CTNNA2: variants seen among roughly 807,000 people sequenced by gnomAD.
The protein encoded by CTNNA2 is catenin alpha 2, also known as catenin alpha-2.
In CTNNA2, 42 loss-of-function variants were observed where a neutral mutation model predicts 101.0. The ratio of observed to expected loss-of-function variants is 0.42; its 90% CI spans 0.32 to 0.54. CTNNA2 has a LOEUF of 0.54. Ranked by LOEUF, CTNNA2 falls within the 20% of genes least tolerant of loss-of-function variation. The pLI is 0.14. For synonymous variants in CTNNA2, 450 were observed against 456.4 expected (o/e 0.99, Z 0.18); for missense variants, 871 against 1,223.1 (o/e 0.71, Z 4.29).
chr2:79,409,220 T>G (rs1316945087), intron 4 of CTNNA2, among the ~76,000 whole-genome samples: 1 of 152,210 alleles, frequency 6.6e-6, no homozygotes, highest in Admixed American at 6.6e-5. Context: ...GATGAGTAGA[T>G]TGCGAAAATT....
chr2:79,313,347 C>T (rs746869101), intron 3 of CTNNA2, among the ~76,000 whole-genome samples: 6 of 152,180 alleles, frequency 3.9e-5, no homozygotes, highest in Non-Finnish European at 8.8e-5. Context: ...CACTTGCTAG[C>T]AGACCTATAA....
intron 7 of CTNNA2, among the ~76,000 whole-genome samples, chr2:80,310,949 G>A (rs1027462537): frequency 3.4e-5 from 5 of 148,908 alleles, no homozygotes; most frequent in African/African-American, 1.3e-4. Flanking sequence ...CTCCAGCCTG[G>A]GTGACAGTGC....
chr2:79,474,880 T>C (rs1671035141), intron 4 of CTNNA2, among the ~76,000 whole-genome samples: 1 of 152,178 alleles, frequency 6.6e-6, no homozygotes, highest in African/African-American at 2.4e-5. Flanking sequence ...CTAGTCTTTT[T>C]ACCCAGCACC....
At chr2:80,477,158 A>T (rs1401083341) in intron 9 of CTNNA2, among the ~76,000 whole-genome samples, 2 of 152,132 alleles carry the variant, frequency 1.3e-5, no homozygotes, top group East Asian at 3.9e-4. Flanking sequence ...AATAGAATAC[A>T]TTTGTACCTA....
intron 7 of CTNNA2, among the ~76,000 whole-genome samples, chr2:80,230,842 C>T (rs570423960): frequency 1.4e-4 from 22 of 152,222 alleles, no homozygotes; most frequent in African/African-American, 4.8e-4. Context: ...ATTCTGTCAG[C>T]CAATAAAGAT....
intron 7 of CTNNA2, among the ~76,000 whole-genome samples, chr2:80,042,414 T>C (rs577779920): frequency 2.6e-5 from 4 of 152,350 alleles, no homozygotes; most frequent in African/African-American, 7.2e-5. Flanking sequence ...AATATTTATA[T>C]ACTTATTTTT....
intron 3 of CTNNA2, among the ~76,000 whole-genome samples, chr2:79,792,636 T>C (rs1012594873): frequency 1.3e-5 from 2 of 152,112 alleles, no homozygotes; most frequent in African/African-American, 4.8e-5. Context: ...GCTTGTGAAG[T>C]TTGGAAATAG....
rs537356323 is a variant in CTNNA2 at position 79,595,381 on chromosome 2, A to T, written c.-5-56171A>T. Among the ~76,000 whole-genome samples the T allele has an allele frequency of 3.3e-5, 5 of 152,004 alleles. No homozygotes were observed. In the East Asian group the frequency reaches 9.7e-4, roughly 29 times the overall value. ...CACAAATCTCTATTTCTAGCCCAGA[A>T]CTCTCTCCTGAGCCTTCAGACCACT... On this transcript the variant is annotated intron_variant, in intron 1 of 18. Coordinates refer to ENST00000402739, the MANE Select transcript of CTNNA2 (RefSeq NM_001282597.3).
intron 7 of CTNNA2, among the ~76,000 whole-genome samples, chr2:80,245,586 A>G (rs1036807508): frequency 6.6e-6 from 1 of 151,210 alleles, no homozygotes; most frequent in Admixed American, 6.6e-5. Context: ...TTCCCATCCC[A>G]TTCCTGCTTG....
At chr2:79,474,541 A>C (rs2104550222) in intron 4 of CTNNA2, among the ~76,000 whole-genome samples, 1 of 152,314 alleles carries the variant, frequency 6.6e-6, no homozygotes, top group Middle Eastern at 3.4e-3. Context: ...CACAAGGTAA[A>C]ATTTACTGTA....
At position 79,704,776 on chromosome 2, in the gene CTNNA2, G is replaced by A. The variant is rs543439569; in HGVS notation, c.103-39611G>A. Among the ~76,000 whole-genome samples the A allele has an allele frequency of 4.6e-5, 7 of 152,048 alleles. No homozygotes were observed. The East Asian group carries it at 1.2e-3, about 25-fold the overall frequency. On this transcript the variant is annotated intron_variant, in intron 2 of 18. Transcript: ENST00000402739. ...CATCCACCCGCCTCGGCCTCCCAAA[G>A]TGTTCACTTGTGCTTCTTTAAAATC...
chr2:79,899,709 A>G (rs779623025), intron 6 of CTNNA2, among the ~76,000 whole-genome samples: 20 of 152,258 alleles, frequency 1.3e-4, no homozygotes, highest in Non-Finnish European at 2.1e-4. Context: ...TGGCATAATT[A>G]GTTTATTTTT....
intron 7 of CTNNA2, among the ~76,000 whole-genome samples, chr2:79,969,736 T>G (rs1462964256): frequency 1.3e-5 from 2 of 152,138 alleles, no homozygotes; most frequent in African/African-American, 4.8e-5. Flanking sequence ...TGCTTTTCCT[T>G]TCACTCTTGG....
intron 2 of CTNNA2, among the ~76,000 whole-genome samples, chr2:79,692,899 G>C (rs918706914): frequency 6.6e-6 from 1 of 151,212 alleles, no homozygotes; most frequent in Admixed American, 6.6e-5. Context: ...GGGAGGGATA[G>C]CATTAGCAGA....
intron 7 of CTNNA2, among the ~76,000 whole-genome samples, chr2:80,053,471 G>T (rs1206851157): frequency 6.6e-6 from 1 of 152,206 alleles, no homozygotes; most frequent in Non-Finnish European, 1.5e-5. Context: ...AAGTAATTTT[G>T]TTACGTGGTG....
In CTNNA2 at chr2:79,324,689, C is replaced by T. The variant is rs539514877; in HGVS notation, c.-318+11893C>T. ...GAACTGTGGGCAGTCCCAGTAGGTC[C>T]CTGAAGGTCACAGGCCCAGAGTGCA... On this transcript the variant is annotated intron_variant, in intron 3 of 21. Coordinates refer to the CTNNA2 transcript ENST00000466387. 8.4e-4 allele frequency among the ~76,000 whole-genome samples: 128 copies of T among 152,052 alleles called. 1 individual carries two copies. Among genetic ancestry groups the T allele is most frequent in the African/African-American group, 2.8e-3 (118 of 41,494 alleles).
intron 7 of CTNNA2, among the ~76,000 whole-genome samples, chr2:80,215,913 A>G (rs934988781): frequency 5.3e-5 from 8 of 152,174 alleles, no homozygotes; most frequent in Non-Finnish European, 8.8e-5. Flanking sequence ...GCTCCACCCA[A>G]TTCGAGCTTC....
intron 7 of CTNNA2, among the ~76,000 whole-genome samples, chr2:80,095,104 A>C (rs1383159038): frequency 1.3e-5 from 2 of 152,224 alleles, no homozygotes; most frequent in African/African-American, 2.4e-5. Context: ...GAATGCTTCC[A>C]GTTATTGTCC....
chr2:80,617,135 TG>T (rs1468093423), intron 17 of CTNNA2, among the ~76,000 whole-genome samples: 8 of 151,784 alleles, frequency 5.3e-5, no homozygotes, highest in Non-Finnish European at 8.8e-5. Context: ...AATGGACAAT[TG>T]CATCATTAAT....
Sources: gnomAD v4.1 joint callset for allele counts (sites outside exome capture counted in the v4.1 genomes callset) on GRCh38, gnomAD v4.1.1 for gene constraint, MANE v1.5 for transcripts, NCBI Gene and HGNC (gene_info 2026-07-23, HGNC 2026-07-21) for gene names.